SMTNL2: variants seen among roughly 807,000 people sequenced by gnomAD.
The protein encoded by SMTNL2 is smoothelin-like protein 2.
A neutral mutation model predicts 44.1 loss-of-function variants in SMTNL2; 43 were observed. That is an observed-to-expected ratio of 0.98 (90% CI 0.76 to 1.26). The LOEUF (loss-of-function observed/expected upper bound fraction) is 1.26. Among genes scored for constraint, SMTNL2 ranks in the 50% most tolerant of loss-of-function variants. The pLI, the probability that SMTNL2 is intolerant of heterozygous loss-of-function variation, is 0.00. For synonymous variants in SMTNL2, 317 were observed against 287.6 expected (o/e 1.10, Z -1.03); for missense variants, 646 against 670.2 (o/e 0.96, Z 0.40).
Position 4,598,319 on chromosome 17 carries a change from G to T in SMTNL2, c.1259+996G>T, listed in dbSNP as rs1216334333. Among the ~76,000 whole-genome samples, 1 of 152,196 alleles carries T rather than the reference G, an allele frequency of 6.6e-6. No individual in the cohort carries two copies. Among genetic ancestry groups the T allele is most frequent in the African/African-American group, 2.4e-5 (1 of 41,440 alleles). The stretch of plus-strand genomic sequence containing the variant: ...TGGTTCATCCTGGCCCCCAGGGCAG[G>T]GAGCAGGGCACAGATGAGTGGTGTT... On this transcript the variant is annotated intron_variant, in intron 7 of 7. Coordinates refer to ENST00000389313, the MANE Select transcript of SMTNL2 (RefSeq NM_001114974.2). The surrounding 1 kb of genome is among the most constrained non-coding windows in gnomAD (Gnocchi z 4.8).
intron 1 of SMTNL2, among the ~76,000 whole-genome samples, chr17:4,589,938 C>CTTTTTTTTTTTTTT (rs780984262): frequency 5.0e-5 from 3 of 59,792 alleles, no homozygotes; most frequent in Non-Finnish European, 9.1e-5. Context: ...ACGCACCTGG[C>CTTTTTTTTTTTTTT]TTTTTTTTTT....
chr17:4,598,464 G>A lies in SMTNL2; in HGVS notation c.1259+1141G>A, dbSNP rs1909905219. 6.6e-6 allele frequency among the ~76,000 whole-genome samples: 1 copy of A among 152,202 alleles called. No individual in the cohort carries two copies. The highest frequency in any genetic ancestry group is 1.5e-5 in the Non-Finnish European group (1 of 68,042). ...CCTGCCTTTGTGCCTTGTGTTGTCA[G>A]CCTCTGACGTCGGTCTACAACCGAC... On this transcript the variant is annotated intron_variant, in intron 7 of 7. Transcript: ENST00000389313. The surrounding 1 kb of genome is among the most constrained non-coding windows in gnomAD (Gnocchi z 4.8).
chr17:4,599,472 C>T (rs1370253463), intron 7 of SMTNL2, among the ~76,000 whole-genome samples: 1 of 152,152 alleles, frequency 6.6e-6, no homozygotes, highest in African/African-American at 2.4e-5. Context: ...AGCACCCACC[C>T]CAGCGGCAAG....
rs1909633780 is a variant in SMTNL2 at position 4,592,802 on chromosome 17, G to A, written c.488-127G>A. 2.3e-6 allele frequency: 3 copies of A among 1,292,020 alleles called. No homozygotes were observed. The highest frequency in any genetic ancestry group is 3.0e-5 in the African/African-American group (2 of 67,210). 80.0% of individuals were successfully genotyped at this position (1,292,020 alleles called of 1,614,324 possible). On this transcript the variant is annotated intron_variant, in intron 2 of 7. Coordinates refer to ENST00000389313, the MANE Select transcript of SMTNL2 (RefSeq NM_001114974.2). This position sits in a 1 kb window ranked among gnomAD's most constrained non-coding sequence, Gnocchi z 4.5. ...GGTAGGGGAGGTCAGAGAGGCTGGA[G>A]CAGTCAGGGAGGCCTTCCTAGAGGA...
rs1910315754 is a variant in SMTNL2 at position 4,607,286 on chromosome 17, G to A, written c.1260-75G>A. On this transcript the variant is annotated intron_variant, in intron 7 of 7. Coordinates refer to ENST00000389313, the MANE Select transcript of SMTNL2 (RefSeq NM_001114974.2). This position sits in a 1 kb window ranked among gnomAD's most constrained non-coding sequence, Gnocchi z 4.7. Reference sequence around the variant, plus strand: ...GGCTGAGCTCTGTTCCCGGGACCGAGACACCGGCCCTGTCGCGGCTGTGGG... The same window carrying A: ...GGCTGAGCTCTGTTCCCGGGACCGAAACACCGGCCCTGTCGCGGCTGTGGG... 31 of 1,594,196 alleles carry A rather than the reference G, an allele frequency of 1.9e-5. No homozygotes were observed. The highest frequency in any genetic ancestry group is 2.7e-5 in the African/African-American group (2 of 74,438).
intron 1 of SMTNL2, among the ~76,000 whole-genome samples, chr17:4,590,836 G>A (rs1183890988): frequency 2.0e-5 from 3 of 152,156 alleles, no homozygotes; most frequent in Non-Finnish European, 4.4e-5. Flanking sequence ...GAAACACAGA[G>A]CCGAGGACCT....
In SMTNL2 at chr17:4,584,848, G is replaced by C; in HGVS notation, c.243G>C (p.Val81=). Residue 81 remains valine, a synonymous_variant, in exon 1 of 8, where the codon GTG becomes GTC. Coordinates refer to ENST00000389313, the MANE Select transcript of SMTNL2 (RefSeq NM_001114974.2). ...AGCTCGAGCGCCTGACGCGCCAGGT[G>C]GAGGCGCTGGGCTTGGCCAGCGGGA... ...QAQLERLTRQ[V]EALGLASGMS... 7.5e-7 allele frequency: 1 copy of C among 1,326,540 alleles called. No individual in the cohort carries two copies. The highest frequency in any genetic ancestry group is 9.6e-7 in the Non-Finnish European group (1 of 1,039,068). 82.2% of individuals were successfully genotyped at this position (1,326,540 alleles called of 1,614,324 possible). A position where few individuals can be genotyped will look rare whatever the true frequency, so the allele number is the denominator to read the frequency against.
intron 1 of SMTNL2, among the ~76,000 whole-genome samples, chr17:4,591,281 GTA>G (rs1223861937): frequency 1.3e-5 from 2 of 152,234 alleles, no homozygotes; most frequent in Admixed American, 1.3e-4. Flanking sequence ...TGGGAACCTT[GTA>G]GACCAGGGGG....
intron 7 of SMTNL2, among the ~76,000 whole-genome samples, chr17:4,606,390 G>A (rs1910280686): frequency 1.3e-5 from 2 of 151,512 alleles, no homozygotes; most frequent in African/African-American, 2.4e-5. Flanking sequence ...CCAAAGTGCT[G>A]GGATTACAGG....
At chr17:4,589,901 T>A (rs1200409764) in intron 1 of SMTNL2, among the ~76,000 whole-genome samples, 4 of 138,952 alleles carry the variant, frequency 2.9e-5, no homozygotes, top group African/African-American at 8.0e-5. Context: ...CCTCTTCACC[T>A]TTTCCTCAAC....
intron 7 of SMTNL2, among the ~76,000 whole-genome samples, chr17:4,599,376 G>A (rs1909938780): frequency 6.6e-6 from 1 of 152,274 alleles, no homozygotes. Flanking sequence ...TCATGAGGAT[G>A]GGGCCCAGCT....
chr17:4,593,739 A>T (rs1429243194), intron 3 of SMTNL2, 83 bp from the exon 4 acceptor site: 1 of 1,391,456 alleles, frequency 7.2e-7, no homozygotes, highest in East Asian at 2.3e-5. Context: ...TAAATGAGGC[A>T]GGGCTGGGTC....
Position 4,592,077 on chromosome 17 carries a change from C to T in SMTNL2, c.400-284C>T, listed in dbSNP as rs1324897126. On this transcript the variant is annotated intron_variant, in intron 1 of 7. Coordinates refer to ENST00000389313, the MANE Select transcript of SMTNL2 (RefSeq NM_001114974.2). This position sits in a 1 kb window ranked among gnomAD's most constrained non-coding sequence, Gnocchi z 4.5. The stretch of plus-strand genomic sequence containing the variant: ...GGGAAAAGGTGAGGGGGCCTAATGT[C>T]ATTGGAACCCTCCATCTTGACTTCT... 2.6e-5 allele frequency among the ~76,000 whole-genome samples: 4 copies of T among 152,198 alleles called. No individual in the cohort carries two copies. The highest frequency in any genetic ancestry group is 5.9e-5 in the Non-Finnish European group (4 of 68,038).
At chr17:4,601,741 A>G (rs1910042931) in intron 7 of SMTNL2, among the ~76,000 whole-genome samples, 1 of 151,724 alleles carries the variant, frequency 6.6e-6, no homozygotes, top group African/African-American at 2.4e-5. Context: ...GCTGGTCTCA[A>G]ACTCCTGGCC....
At chr17:4,587,058 G>T (rs538137605) in intron 1 of SMTNL2, among the ~76,000 whole-genome samples, 1 of 152,180 alleles carries the variant, frequency 6.6e-6, no homozygotes, top group Admixed American at 6.5e-5. Flanking sequence ...AACCAGACCG[G>T]GGAACTGCCA....
Position 4,592,490 on chromosome 17 carries a change from G to C in SMTNL2, c.487+42G>C. ...AGGAGGGGTGGCTGGGTAGGTTTGGGGGTTAAGTAAGGCCTTGGTCAGGTA... is the reference window on the plus strand; with the variant it reads ...AGGAGGGGTGGCTGGGTAGGTTTGGCGGTTAAGTAAGGCCTTGGTCAGGTA... On this transcript the variant is annotated intron_variant, in intron 2 of 7. Coordinates refer to ENST00000389313, the MANE Select transcript of SMTNL2 (RefSeq NM_001114974.2). This position sits in a 1 kb window ranked among gnomAD's most constrained non-coding sequence, Gnocchi z 4.5. The C allele has an allele frequency of 6.3e-7, 1 of 1,581,138 alleles. No individual in the cohort carries two copies. Among genetic ancestry groups the C allele is most frequent in the Non-Finnish European group, 8.6e-7 (1 of 1,160,642 alleles).
At position 4,607,278 on chromosome 17, in the gene SMTNL2, G is replaced by GGGACC; in HGVS notation, c.1260-81_1260-77dup. 6.3e-7 allele frequency: 1 copy of GGGACC among 1,588,630 alleles called. No homozygotes were observed. On this transcript the variant is annotated intron_variant, in intron 7 of 7. Coordinates refer to ENST00000389313, the MANE Select transcript of SMTNL2 (RefSeq NM_001114974.2). This position sits in a 1 kb window ranked among gnomAD's most constrained non-coding sequence, Gnocchi z 4.7. Reference sequence around the variant, plus strand: ...TGGCTGCCGGCTGAGCTCTGTTCCCGGGACCGAGACACCGGCCCTGTCGCG... The same window carrying GGGACC: ...TGGCTGCCGGCTGAGCTCTGTTCCCGGGACCGGACCGAGACACCGGCCCTGTCGCG...
At position 4,584,936 on chromosome 17, in the gene SMTNL2, C is replaced by T; in HGVS notation, c.331C>T (p.Arg111Cys). The T allele has an allele frequency of 7.5e-7, 1 of 1,325,074 alleles. No homozygotes were observed. Among genetic ancestry groups the T allele is most frequent in the Non-Finnish European group, 9.6e-7 (1 of 1,042,426 alleles). 82.1% of individuals were successfully genotyped at this position (1,325,074 alleles called of 1,614,324 possible). Residue 111 changes from arginine to cysteine, a missense_variant, in exon 1 of 8, where the codon CGC becomes TGC. Transcript: ENST00000389313. ...CCCGCCCGCGCCCGGGGTTCCCGAC[C>T]GCGCGCCCCGCCTGGGCAGCGCACG... ...SPPPAPGVPD[R>C]APRLGSARFA... is the part of the protein sequence containing the mutation.
At chr17:4,605,153 GTTTTTTTTTTTTT>G (rs753950451) in intron 7 of SMTNL2, among the ~76,000 whole-genome samples, 12 of 82,250 alleles carry the variant, frequency 1.5e-4, no homozygotes, top group Non-Finnish European at 2.5e-4. Context: ...TTTTTGTTTG[GTTTTTTTTTTTTT>G]TTTTTTTTTT....
Sources: gnomAD v4.1 joint callset for allele counts (sites outside exome capture counted in the v4.1 genomes callset) on GRCh38, gnomAD v4.1.1 for gene constraint, Gnocchi (gnomAD v3.1) non-coding constraint, MANE v1.5 for transcripts, NCBI Gene and HGNC (gene_info 2026-07-23, HGNC 2026-07-21) for gene names.